ARHGAP25: variants seen among roughly 807,000 people sequenced by gnomAD.
The protein encoded by ARHGAP25 is rho GTPase-activating protein 25.
In ARHGAP25, 34 loss-of-function variants were observed where a neutral mutation model predicts 71.0. The observed-to-expected ratio is 0.48, with a 90% CI of 0.36 to 0.64. ARHGAP25 has a LOEUF of 0.64. Ranked by LOEUF, ARHGAP25 falls within the 30% of genes least tolerant of loss-of-function variation. The pLI is 0.00. For missense variants in ARHGAP25, 706 were observed against 805.1 expected, an observed-to-expected ratio of 0.88 and a Z score of 1.49; for synonymous variants, 282 against 296.5, an observed-to-expected ratio of 0.95 and a Z score of 0.50.
At chr2:68,748,109 T>TCTCTCTCCACCCAC (rs1449435728) in intron 1 of ARHGAP25, among the ~76,000 whole-genome samples, 1 of 152,154 alleles carries the variant, frequency 6.6e-6, no homozygotes, top group Admixed American at 6.5e-5. Context: ...CCCCTTCCCC[T>TCTCTCTCCACCCAC]CTGTCTCCAC....
intron 5 of ARHGAP25, 87 bp from the exon 6 acceptor site, chr2:68,813,200 T>G: frequency 1.4e-6 from 2 of 1,437,972 alleles, no homozygotes; most frequent in Non-Finnish European, 9.3e-7. Context: ...TATGGTTCTA[T>G]TCACTGAATC....
intron 1 of ARHGAP25, chr2:68,735,518 GC>G: frequency 1.8e-6 from 1 of 568,574 alleles, no homozygotes; most frequent in Non-Finnish European, 3.1e-6. Context: ...ATGATTTAAG[GC>G]TACAGACTAC....
chr2:68,761,965 A>C (rs2104344726), intron 1 of ARHGAP25, among the ~76,000 whole-genome samples: 1 of 152,338 alleles, frequency 6.6e-6, no homozygotes, highest in South Asian at 2.1e-4. Flanking sequence ...GTAATAACTA[A>C]AACATGGAGG....
chr2:68,739,339 A>G (rs187829263), intron 1 of ARHGAP25, among the ~76,000 whole-genome samples: 1 of 152,324 alleles, frequency 6.6e-6, no homozygotes, highest in East Asian at 1.9e-4. Flanking sequence ...ATACATCACT[A>G]TAAGTCACTT....
chr2:68,750,181 T>TC (rs1274302795), intron 1 of ARHGAP25, among the ~76,000 whole-genome samples: 6 of 150,336 alleles, frequency 4.0e-5, no homozygotes, highest in African/African-American at 9.8e-5. Flanking sequence ...TGATTTTTTT[T>TC]TTTTTCTTTT....
chr2:68,784,180 TCTCTCTCTCTCACA>T (rs1250536167), intron 3 of ARHGAP25, among the ~76,000 whole-genome samples: 14 of 151,914 alleles, frequency 9.2e-5, no homozygotes, highest in African/African-American at 3.4e-4. Context: ...TCTCTTTCTC[TCTCTCTCTCTCACA>T]CACACACACA....
In ARHGAP25 at chr2:68,826,350, T is replaced by C. The variant is rs1682134891; in HGVS notation, c.*156T>C. The stretch of plus-strand genomic sequence containing the variant: ...TCCCCATAAATAAATGAATGGAGTT[T>C]GCAGGAAGGTGAGGGTGAGCAGAGA... On this transcript the variant is annotated 3_prime_UTR_variant, in exon 11 of 11. Transcript: ENST00000409202. 1 of 760,396 alleles carries C rather than the reference T, an allele frequency of 1.3e-6. No individual in the cohort carries two copies. The highest frequency in any genetic ancestry group is 1.7e-5 in the African/African-American group (1 of 58,228). The allele number at this position is 760,396 out of a possible 1,614,324, so 47.1% of individuals were successfully genotyped here.
At chr2:68,784,624 T>C (rs1480153350) in intron 3 of ARHGAP25, among the ~76,000 whole-genome samples, 1 of 152,236 alleles carries the variant, frequency 6.6e-6, no homozygotes, top group Non-Finnish European at 1.5e-5. Flanking sequence ...GAAGGGGTTG[T>C]TCCTTCTGTT....
At chr2:68,745,443 C>T (rs759959337) in intron 1 of ARHGAP25, among the ~76,000 whole-genome samples, 1 of 152,192 alleles carries the variant, frequency 6.6e-6, no homozygotes, top group Non-Finnish European at 1.5e-5. Context: ...CCCATTAGGT[C>T]CTCCTTACCA....
intron 1 of ARHGAP25, among the ~76,000 whole-genome samples, chr2:68,754,047 C>T (rs1389610374): frequency 3.9e-5 from 6 of 151,944 alleles, no homozygotes; most frequent in East Asian, 3.9e-4. Context: ...GGACTACAGG[C>T]GCCCGCCACC....
intron 4 of ARHGAP25, among the ~76,000 whole-genome samples, chr2:68,791,357 G>A (rs1445276731): frequency 1.4e-4 from 22 of 152,200 alleles, no homozygotes; most frequent in Admixed American, 1.4e-3. Flanking sequence ...TAATCGAATG[G>A]GTGAAAGAAT....
chr2:68,714,804 G>A (rs145331242), intron 2 of ARHGAP25, among the ~76,000 whole-genome samples: 1 of 152,270 alleles, frequency 6.6e-6, no homozygotes, highest in African/African-American at 2.4e-5. Flanking sequence ...CCTGGTTGGA[G>A]AAGGGCAAAA....
intron 2 of ARHGAP25, among the ~76,000 whole-genome samples, chr2:68,718,582 G>A (rs1674676741): frequency 1.3e-5 from 2 of 151,950 alleles, no homozygotes; most frequent in South Asian, 4.1e-4. Flanking sequence ...TAGATACCTA[G>A]ACAGATAGAT....
intron 1 of ARHGAP25, 151 bp downstream of exon 1, chr2:68,735,411 C>T: frequency 1.3e-6 from 1 of 777,288 alleles, no homozygotes; most frequent in Non-Finnish European, 2.2e-6. Flanking sequence ...GTTGGCATGC[C>T]AGGTCCAAGT....
Position 68,771,914 on chromosome 2 carries a change from A to T in ARHGAP25, c.62-3307A>T, listed in dbSNP as rs577426224. Among the ~76,000 whole-genome samples, 9 of 152,338 alleles carry T rather than the reference A, an allele frequency of 5.9e-5. No homozygotes were observed. The South Asian group carries it at 1.9e-3, about 32-fold the overall frequency. On this transcript the variant is annotated intron_variant, in intron 1 of 10. Coordinates refer to ENST00000409202, the MANE Select transcript of ARHGAP25 (RefSeq NM_001007231.3). ...CAGAGCCTTGTTCATATGTAAGCAGACAAGCTGGTTGCCTTTCTGCTACAA... is the reference window on the plus strand; with the variant it reads ...CAGAGCCTTGTTCATATGTAAGCAGTCAAGCTGGTTGCCTTTCTGCTACAA...
rs780591588 is a variant in ARHGAP25, at chr2:68,826,308, G to T, written c.*114G>T. Reference sequence around the variant, plus strand: ...ATTCTCTGAGAGGGAAAGGACATTTGAGGGAAACATCAAATTTCCCCATAA... The same window carrying T: ...ATTCTCTGAGAGGGAAAGGACATTTTAGGGAAACATCAAATTTCCCCATAA... On this transcript the variant is annotated 3_prime_UTR_variant, in exon 11 of 11. Coordinates refer to ENST00000409202, the MANE Select transcript of ARHGAP25 (RefSeq NM_001007231.3). 9.1e-6 allele frequency: 9 copies of T among 991,564 alleles called. No individual in the cohort carries two copies. In the East Asian group the frequency reaches 2.3e-4, roughly 25 times the overall value. 61.4% of individuals were successfully genotyped at this position (991,564 alleles called of 1,614,324 possible).
At chr2:68,756,782 G>C (rs762738442) in intron 1 of ARHGAP25, among the ~76,000 whole-genome samples, 1 of 152,064 alleles carries the variant, frequency 6.6e-6, no homozygotes, top group African/African-American at 2.4e-5. Flanking sequence ...AAACAAAAAC[G>C]TATGGCCCAC....
Position 68,744,875 on chromosome 2 carries a change from A to C in ARHGAP25, c.61+9615A>C, listed in dbSNP as rs548632263. On this transcript the variant is annotated intron_variant, in intron 1 of 10. Coordinates refer to ENST00000409202, the MANE Select transcript of ARHGAP25 (RefSeq NM_001007231.3). ...TTTCTGGCCAGCACAAAATTATCCC[A>C]ATCTCATTCTTCTGTGGCCTGAAAT... Among the ~76,000 whole-genome samples, 10 of 152,330 alleles carry C rather than the reference A, an allele frequency of 6.6e-5. No homozygotes were observed. In the East Asian group the frequency reaches 1.9e-3, roughly 29 times the overall value.
chr2:68,806,828 G>T (rs985593179), intron 4 of ARHGAP25, among the ~76,000 whole-genome samples: 8 of 152,146 alleles, frequency 5.3e-5, no homozygotes, highest in African/African-American at 1.7e-4. Flanking sequence ...TTGCTGCCGT[G>T]GTTAAGGCAT....
Sources: allele counts gnomAD v4.1 joint callset (sites outside exome capture counted in the v4.1 genomes callset), GRCh38; gene constraint gnomAD v4.1.1; transcripts MANE v1.5; gene names NCBI Gene and HGNC (gene_info 2026-07-23, HGNC 2026-07-21).